The following MTUS2 variants were observed in gnomAD, a reference collection of about 807,000 sequenced individuals.
MTUS2 encodes the protein microtubule-associated tumor suppressor candidate 2.
MTUS2 carries 40 observed loss-of-function variants against 114.1 expected under a neutral mutation model. The observed-to-expected ratio is 0.35, with a 90% CI of 0.27 to 0.46. The LOEUF (loss-of-function observed/expected upper bound fraction) is 0.46. MTUS2 is among the 20% of genes least tolerant of loss of function. MTUS2 has a pLI of 1.00. For synonymous variants in MTUS2, 688 were observed against 672.0 expected (o/e 1.02, Z -0.37); for missense variants, 1,679 against 1,705.4 (o/e 0.98, Z 0.27).
intron 4 of MTUS2, among the ~76,000 whole-genome samples, chr13:29,038,430 C>T (rs9508229): frequency 0.48 from 73,501 of 152,066 alleles, 18,071 homozygotes; most frequent in African/African-American, 0.54. Context: ...CCCAGAGGGT[C>T]ACCCTCCAGA....
At chr13:29,024,349 A>G in intron 2 of MTUS2, 108 bp from the exon 3 acceptor site, 1 of 247,488 alleles carries the variant, frequency 4.0e-6, no homozygotes, top group South Asian at 1.7e-4. Flanking sequence ...CTATTGATTG[A>G]ATGAAATAAT....
chr13:29,165,839 A>G (rs1215275800), intron 5 of MTUS2, among the ~76,000 whole-genome samples: 1 of 152,204 alleles, frequency 6.6e-6, no homozygotes, highest in East Asian at 1.9e-4. Flanking sequence ...ATTAAATGCC[A>G]TGAAAATTGA....
Position 29,298,557 on chromosome 13 carries a change from C to T in MTUS2, c.2806+16692C>T, listed in dbSNP as rs983495384. The stretch of plus-strand genomic sequence containing the variant: ...TGTTCTACCATGTTCTCCCTGCCTT[C>T]GTCCAGTCCTCTCAAGTATCATTTT... On this transcript the variant is annotated intron_variant, in intron 6 of 15. Coordinates refer to ENST00000612955, the MANE Select transcript of MTUS2 (RefSeq NM_001033602.4). 2.6e-5 allele frequency among the ~76,000 whole-genome samples: 4 copies of T among 152,140 alleles called. No homozygotes were observed. The South Asian group carries it at 8.3e-4, about 32-fold the overall frequency.
rs1296310322 is a variant in MTUS2, at chr13:29,086,909, A to G, written c.2447-13864A>G. On this transcript the variant is annotated intron_variant, in intron 4 of 15. Coordinates refer to ENST00000612955, the MANE Select transcript of MTUS2 (RefSeq NM_001033602.4). Reference sequence around the variant, plus strand: ...TGTTCTTGATTTGGTTCTTAGCTCAAATGTTATTGGTGTATATGGTACTGG... The same window carrying G: ...TGTTCTTGATTTGGTTCTTAGCTCAGATGTTATTGGTGTATATGGTACTGG... Among the ~76,000 whole-genome samples, 3 of 152,074 alleles carry G rather than the reference A, an allele frequency of 2.0e-5. No individual in the cohort carries two copies. In the East Asian group the frequency reaches 5.8e-4, roughly 29 times the overall value.
intron 5 of MTUS2, among the ~76,000 whole-genome samples, chr13:29,235,173 C>T (rs1013587705): frequency 3.9e-5 from 6 of 152,028 alleles, no homozygotes; most frequent in South Asian, 2.1e-4. Flanking sequence ...CTCAGCTCAC[C>T]GCAACCTCCG....
At chr13:29,286,648 A>ATCTGTCTGTCTG (rs908168290) in intron 6 of MTUS2, among the ~76,000 whole-genome samples, 53 of 146,054 alleles carry the variant, frequency 3.6e-4, no homozygotes, top group African/African-American at 1.2e-3. Context: ...TGCACTATCT[A>ATCTGTCTGTCTG]TCTGTCTGTC....
At chr13:29,471,146 C>T (rs373873362) in intron 9 of MTUS2, among the ~76,000 whole-genome samples, 3 of 151,964 alleles carry the variant, frequency 2.0e-5, no homozygotes, top group African/African-American at 2.4e-5. Flanking sequence ...AGTTTGAGAC[C>T]GGCCTGGCCA....
chr13:29,133,894 G>A (rs942151867), intron 5 of MTUS2, among the ~76,000 whole-genome samples: 10 of 152,062 alleles, frequency 6.6e-5, no homozygotes, highest in Non-Finnish European at 1.0e-4. Context: ...CCTGTACTCT[G>A]CTCTACCCTT....
chr13:29,106,407 T>C (rs1231747585), intron 5 of MTUS2, among the ~76,000 whole-genome samples: 1 of 152,228 alleles, frequency 6.6e-6, no homozygotes, highest in African/African-American at 2.4e-5. Context: ...CTCTGTTACC[T>C]GGAGTGCAGT....
intron 6 of MTUS2, among the ~76,000 whole-genome samples, chr13:29,317,888 C>G (rs59700780): frequency 0.025 from 3,754 of 152,318 alleles, 160 homozygotes; most frequent in African/African-American, 0.083. Context: ...GCATCAGAAT[C>G]TGTCTTTTCT....
chr13:28,834,961 C>G (rs1271663569), intron 1 of MTUS2, among the ~76,000 whole-genome samples: 1 of 152,074 alleles, frequency 6.6e-6, no homozygotes, highest in Non-Finnish European at 1.5e-5. Flanking sequence ...TAGGGAAATG[C>G]AAATTAAAAC....
intron 6 of MTUS2, chr13:29,307,791 C>T: frequency 2.1e-6 from 2 of 961,502 alleles, no homozygotes; most frequent in Non-Finnish European, 3.3e-6. Flanking sequence ...AGTAAGACCC[C>T]CAGACCACCA....
chr13:29,325,428 C>T (rs2138022372), intron 7 of MTUS2, among the ~76,000 whole-genome samples: 1 of 138,206 alleles, frequency 7.2e-6, no homozygotes, highest in African/African-American at 2.6e-5. Flanking sequence ...CACACTCCAG[C>T]CTGGGTGACA....
intron 2 of MTUS2, among the ~76,000 whole-genome samples, chr13:28,987,380 C>T (rs536216831): frequency 2.0e-5 from 3 of 151,988 alleles, no homozygotes; most frequent in South Asian, 2.1e-4. Flanking sequence ...TTGGTCTTTG[C>T]GAGGGCTGTT....
intron 2 of MTUS2, among the ~76,000 whole-genome samples, chr13:28,982,340 A>AT (rs1168293183): frequency 7.6e-6 from 1 of 131,808 alleles, no homozygotes; most frequent in African/African-American, 3.3e-5. Flanking sequence ...GAGGATGGTT[A>AT]TTATTTAAAA....
At chr13:29,358,180 A>G (rs140466425) in intron 7 of MTUS2, among the ~76,000 whole-genome samples, 81 of 152,300 alleles carry the variant, frequency 5.3e-4, no homozygotes, top group African/African-American at 1.7e-3. Context: ...CCCATTGTCA[A>G]TAGCAGGGGT....
chr13:29,056,023 T>C (rs538627624), intron 4 of MTUS2, among the ~76,000 whole-genome samples: 7 of 152,262 alleles, frequency 4.6e-5, no homozygotes, highest in African/African-American at 1.4e-4. Context: ...TTTACTCTGT[T>C]GATAGTTTCT....
At chr13:29,193,020 T>TTAACTCTGGGGAGACTGAGTCAA in intron 5 of MTUS2, among the ~76,000 whole-genome samples, 1 of 152,206 alleles carries the variant, frequency 6.6e-6, no homozygotes, top group East Asian at 1.9e-4. Context: ...TCATCCATGA[T>TTAACTCTGGGGAGACTGAGTCAA]TAACTCTGGG....
chr13:29,020,107 T>A (rs1042539429), intron 2 of MTUS2, among the ~76,000 whole-genome samples: 1 of 152,222 alleles, frequency 6.6e-6, no homozygotes, highest in African/African-American at 2.4e-5. Context: ...AGAAGACTCT[T>A]AAGCATCAGG....
Sources: allele counts gnomAD v4.1 joint callset (sites outside exome capture counted in the v4.1 genomes callset), GRCh38; gene constraint gnomAD v4.1.1; transcripts MANE v1.5; gene names NCBI Gene and HGNC (gene_info 2026-07-23, HGNC 2026-07-21).